The following NRCAM variants were observed in gnomAD, a reference collection of about 807,000 sequenced individuals.
The protein encoded by NRCAM is neuronal cell adhesion molecule, also known as NgCAM-related cell adhesion molecule.
NRCAM carries 83 observed loss-of-function variants against 156.5 expected under a neutral mutation model. The ratio of observed to expected loss-of-function variants is 0.53; its 90% CI spans 0.44 to 0.64. The LOEUF (loss-of-function observed/expected upper bound fraction) is 0.64, where lower values mean the gene tolerates loss of function less well. Among genes scored for constraint, NRCAM ranks in the 30% least tolerant of loss-of-function variants. The pLI, the probability that NRCAM is intolerant of heterozygous loss-of-function variation, is 0.00. For missense variants in NRCAM, 1,417 were observed against 1,597.3 expected (o/e 0.89, Z 1.92); for synonymous variants, 538 against 563.9 (o/e 0.95, Z 0.65).
At chr7:108,273,516 TC>T (rs2097457526) in intron 3 of NRCAM, among the ~76,000 whole-genome samples, 1 of 152,372 alleles carries the variant, frequency 6.6e-6, no homozygotes, top group African/African-American at 2.4e-5. Context: ...GAGCTTTTTT[TC>T]ATATGTCTGT....
Position 108,414,091 on chromosome 7 carries a change from C to A in NRCAM, c.-331-14498G>T, listed in dbSNP as rs565573020. 3.3e-5 allele frequency among the ~76,000 whole-genome samples: 5 copies of A among 152,312 alleles called. No homozygotes were observed. The South Asian group carries it at 1.0e-3, about 32-fold the overall frequency. On this transcript the variant is annotated intron_variant, in intron 1 of 32. Transcript: ENST00000379028. ...GGATCTGGCTTTCCCAGAGGCTGAT[C>A]AGAGGGTCATGGTAACATAATCTGA...
chr7:108,243,567 T>C (rs746168581), intron 3 of NRCAM, among the ~76,000 whole-genome samples: 1 of 152,206 alleles, frequency 6.6e-6, no homozygotes, highest in Non-Finnish European at 1.5e-5. Context: ...AAATCCCAAT[T>C]TGAAATAGCA....
At chr7:108,274,695 T>A (rs2097526522) in intron 3 of NRCAM, among the ~76,000 whole-genome samples, 1 of 152,176 alleles carries the variant, frequency 6.6e-6, no homozygotes, top group Non-Finnish European at 1.5e-5. Context: ...ACAAAGACAA[T>A]TTGACTTCCT....
At chr7:108,159,024 ATTG>A (rs1343114472) in intron 32 of NRCAM, among the ~76,000 whole-genome samples, 5 of 152,218 alleles carry the variant, frequency 3.3e-5, no homozygotes, top group Non-Finnish European at 5.9e-5. Flanking sequence ...GGGTATGGGT[ATTG>A]TTTAGGAAAA....
Position 108,150,116 on chromosome 7 carries a change from C to CT in NRCAM, c.3708dup (p.Gly1237ArgfsTer15), listed in dbSNP as rs767471803. Reference sequence around the variant, plus strand: ...GTCCTGTCTGAAGGAGTTCGACTTCCTTTTTTCAAAGGCTTGTGGTCTTCT... The same window carrying CT: ...GTCCTGTCTGAAGGAGTTCGACTTCCTTTTTTTCAAAGGCTTGTGGTCTTCT... On this transcript the variant is annotated frameshift_variant, in exon 33 of 33. Transcript: ENST00000379028. LOFTEE classifies it high-confidence loss of function. 1 of 1,611,914 alleles carries CT rather than the reference C, an allele frequency of 6.2e-7. No individual in the cohort carries two copies. The highest frequency in any genetic ancestry group is 8.5e-7 in the Non-Finnish European group (1 of 1,179,456).
intron 3 of NRCAM, among the ~76,000 whole-genome samples, chr7:108,308,590 A>T (rs1444039284): frequency 6.6e-6 from 1 of 152,232 alleles, no homozygotes; most frequent in African/African-American, 2.4e-5. Flanking sequence ...ACTGACTACT[A>T]GCACCAATTA....
intron 3 of NRCAM, among the ~76,000 whole-genome samples, chr7:108,288,443 T>C (rs2098177764): frequency 6.6e-6 from 1 of 152,118 alleles, no homozygotes; most frequent in Admixed American, 6.6e-5. Context: ...CAAAGGTATA[T>C]GGAAAATGTA....
chr7:108,404,163 C>T (rs966376448), intron 1 of NRCAM, among the ~76,000 whole-genome samples: 1 of 152,148 alleles, frequency 6.6e-6, no homozygotes, highest in South Asian at 2.1e-4. Context: ...AGAGGGAGAG[C>T]CCGATGCACG....
chr7:108,254,496 C>T (rs2096531672), intron 3 of NRCAM, among the ~76,000 whole-genome samples: 1 of 151,210 alleles, frequency 6.6e-6, no homozygotes, highest in East Asian at 1.9e-4. Flanking sequence ...CTGAAATCCT[C>T]ACATATTGCT....
chr7:108,234,789 T>A (rs903348287), intron 5 of NRCAM, 101 bp from the exon 6 acceptor site: 1 of 838,414 alleles, frequency 1.2e-6, no homozygotes, highest in African/African-American at 1.7e-5. Context: ...AGACTAAATA[T>A]GCTTCAAGTA....
At chr7:108,318,712 G>C (rs2098962846) in intron 2 of NRCAM, among the ~76,000 whole-genome samples, 1 of 152,162 alleles carries the variant, frequency 6.6e-6, no homozygotes, top group African/African-American at 2.4e-5. Context: ...CCCTGGTTCT[G>C]AATAGAGAAA....
chr7:108,382,876 A>G (rs1292146712), intron 2 of NRCAM, among the ~76,000 whole-genome samples: 4 of 152,142 alleles, frequency 2.6e-5, no homozygotes, highest in Admixed American at 6.5e-5. Context: ...ACTGTGGAAC[A>G]CTCACATTTC....
chr7:108,441,553 T>C (rs902926689), intron 1 of NRCAM, among the ~76,000 whole-genome samples: 1 of 152,258 alleles, frequency 6.6e-6, no homozygotes, highest in Non-Finnish European at 1.5e-5. Context: ...TAAAAGTCCA[T>C]TTCCTTGTTA....
intron 1 of NRCAM, among the ~76,000 whole-genome samples, chr7:108,426,702 T>A (rs1301272552): frequency 6.6e-6 from 1 of 152,204 alleles, no homozygotes; most frequent in Non-Finnish European, 1.5e-5. Context: ...AAGCAAAACA[T>A]GTAATTATCT....
In NRCAM at chr7:108,154,229, T is replaced by A. The variant is rs537049494; in HGVS notation, c.3678-4082A>T. ...GTGCAGAGATAGACAGATTGACCAATGGAATGGAATATAGGGTCTTGAAAC... is the reference window on the plus strand; with the variant it reads ...GTGCAGAGATAGACAGATTGACCAAAGGAATGGAATATAGGGTCTTGAAAC... On this transcript the variant is annotated intron_variant, in intron 32 of 32. Coordinates refer to ENST00000379028, the MANE Select transcript of NRCAM (RefSeq NM_001037132.4). Among the ~76,000 whole-genome samples the A allele has an allele frequency of 2.0e-5, 3 of 152,276 alleles. No individual in the cohort carries two copies. The East Asian group carries it at 5.8e-4, about 29-fold the overall frequency.
intron 32 of NRCAM, among the ~76,000 whole-genome samples, chr7:108,154,403 C>G (rs2043613435): frequency 6.6e-6 from 1 of 152,152 alleles, no homozygotes; most frequent in Non-Finnish European, 1.5e-5. Flanking sequence ...AGCAACATTA[C>G]TAAACTCTCT....
At chr7:108,196,027 G>A (rs910581290) in intron 14 of NRCAM, among the ~76,000 whole-genome samples, 155 bp from the exon 15 acceptor site, 1 of 152,182 alleles carries the variant, frequency 6.6e-6, no homozygotes, top group African/African-American at 2.4e-5. Flanking sequence ...AATGCTGCCA[G>A]TCACTCAAGG....
At chr7:108,334,427 G>C (rs1370228149) in intron 2 of NRCAM, among the ~76,000 whole-genome samples, 1 of 152,008 alleles carries the variant, frequency 6.6e-6, no homozygotes, top group East Asian at 1.9e-4. Context: ...CCCTACCTAC[G>C]ACTCCGAATT....
At chr7:108,240,883 T>C (rs1328274845) in intron 3 of NRCAM, among the ~76,000 whole-genome samples, 1 of 152,200 alleles carries the variant, frequency 6.6e-6, no homozygotes, top group Admixed American at 6.5e-5. Context: ...CTGATTTCCT[T>C]TTATTTCCAT....
Sources: allele counts gnomAD v4.1 joint callset (sites outside exome capture counted in the v4.1 genomes callset), GRCh38; gene constraint gnomAD v4.1.1; transcripts MANE v1.5; gene names NCBI Gene and HGNC (gene_info 2026-07-23, HGNC 2026-07-21).